Variants in GLI2 observed in about 807,000 individuals in gnomAD.
The protein encoded by GLI2 is GLI family zinc finger 2.
In GLI2, 22 loss-of-function variants were observed where a neutral mutation model predicts 78.9. That is an observed-to-expected ratio of 0.28 (90% CI 0.20 to 0.40). The LOEUF (loss-of-function observed/expected upper bound fraction) is 0.40, where lower values mean the gene tolerates loss of function less well. Ranked by LOEUF, GLI2 falls within the 10% of genes least tolerant of loss-of-function variation. GLI2 has a pLI of 1.00. For synonymous variants in GLI2, 974 were observed against 963.7 expected (o/e 1.01, Z -0.20); for missense variants, 2,097 against 2,213.2 (o/e 0.95, Z 1.05).
At chr2:120,889,509 T>G (rs751119121) in intron 2 of GLI2, among the ~76,000 whole-genome samples, 1 of 152,038 alleles carries the variant, frequency 6.6e-6, no homozygotes, top group Non-Finnish European at 1.5e-5. Context: ...AATCAAAAAT[T>G]TTGCTCTTCG....
intron 2 of GLI2, among the ~76,000 whole-genome samples, chr2:120,916,466 CT>C (rs1573594601): frequency 6.6e-6 from 1 of 152,380 alleles, no homozygotes; most frequent in East Asian, 1.9e-4. Context: ...GCCTTCCTGG[CT>C]GCTCCAGACC....
At chr2:120,971,091 A>C (rs964994114) in intron 7 of GLI2, among the ~76,000 whole-genome samples, 4 of 152,246 alleles carry the variant, frequency 2.6e-5, no homozygotes, top group African/African-American at 9.6e-5. Flanking sequence ...TTCTTTTACA[A>C]TAAGGACATG....
intron 1 of GLI2, among the ~76,000 whole-genome samples, chr2:120,788,248 G>C (rs111736578): frequency 6.6e-6 from 1 of 152,188 alleles, no homozygotes; most frequent in Non-Finnish European, 1.5e-5. Context: ...AACCACTGAC[G>C]TGTGCACAGG....
At chr2:120,904,045 G>T (rs1029960566) in intron 2 of GLI2, among the ~76,000 whole-genome samples, 39 of 151,996 alleles carry the variant, frequency 2.6e-4, no homozygotes, top group African/African-American at 8.7e-4. Flanking sequence ...TGGGGAGGAG[G>T]CTGTCCCCCT....
chr2:120,763,517 G>A (rs533130952), intron 1 of GLI2, among the ~76,000 whole-genome samples: 2 of 152,356 alleles, frequency 1.3e-5, no homozygotes, highest in African/African-American at 4.8e-5. Context: ...CAGGCTTGGT[G>A]GCAGCCAAGA....
chr2:120,988,108 C>T, intron 13 of GLI2, 100 bp from the exon 14 acceptor site: 1 of 994,538 alleles, frequency 1.0e-6, no homozygotes. Flanking sequence ...GTGTTGCAAG[C>T]CCTCTTCTCG....
intron 2 of GLI2, among the ~76,000 whole-genome samples, chr2:120,841,848 GGTGTGTGT>G (rs555474895): frequency 9.0e-5 from 12 of 132,690 alleles, no homozygotes; most frequent in African/African-American, 2.6e-4. Context: ...CAGTCTGGAG[GGTGTGTGT>G]GTGTGTGTGT....
rs768259857 is a variant in GLI2 at position 120,975,085 on chromosome 2, C to T, written c.1293C>T (p.Tyr431=). 2.7e-5 allele frequency: 44 copies of T among 1,613,946 alleles called. No homozygotes were observed. Among genetic ancestry groups the T allele is most frequent in the Middle Eastern group, 1.6e-4 (1 of 6,062 alleles). ...ACTGGGAAGACTGCACCAAGGAGTA[C>T]GACACCCAGGAGCAGCTGGTGCATG... ...NCHWEDCTKE[Y]DTQEQLVHHI... Residue 431 remains tyrosine (Y), a synonymous_variant, in exon 9 of 14, where the codon TAC becomes TAT. Coordinates refer to ENST00000361492, the MANE Select transcript of GLI2 (RefSeq NM_001374353.1).
chr2:120,876,328 C>T (rs556431268), intron 2 of GLI2, among the ~76,000 whole-genome samples: 14 of 152,176 alleles, frequency 9.2e-5, no homozygotes, highest in South Asian at 4.2e-4. Context: ...GGCGACAGAG[C>T]GAGACTCCGT....
intron 2 of GLI2, among the ~76,000 whole-genome samples, chr2:120,909,475 A>C (rs1159101125): frequency 6.6e-6 from 1 of 152,198 alleles, no homozygotes; most frequent in Non-Finnish European, 1.5e-5. Context: ...CTCAAAGGAC[A>C]TTGACTTCAT....
At chr2:120,929,301 G>T (rs1679838936) in intron 3 of GLI2, among the ~76,000 whole-genome samples, 1 of 152,232 alleles carries the variant, frequency 6.6e-6, no homozygotes, top group African/African-American at 2.4e-5. Context: ...CCGCTTTAAA[G>T]TTGTCCCGTT....
chr2:120,763,397 C>A (rs1558784462), intron 1 of GLI2, among the ~76,000 whole-genome samples: 1 of 152,210 alleles, frequency 6.6e-6, no homozygotes, highest in Non-Finnish European at 1.5e-5. Context: ...TTGAAGGCCT[C>A]CACAGTGGCA....
At chr2:120,793,330 T>G (rs1288446814) in intron 1 of GLI2, among the ~76,000 whole-genome samples, 1 of 152,254 alleles carries the variant, frequency 6.6e-6, no homozygotes, top group African/African-American at 2.4e-5. Flanking sequence ...TCCTTCCCTG[T>G]GGTAGGTGCT....
intron 2 of GLI2, among the ~76,000 whole-genome samples, chr2:120,896,158 C>T (rs1287024984): frequency 6.6e-6 from 1 of 152,214 alleles, no homozygotes; most frequent in East Asian, 1.9e-4. Context: ...TCTCACCTGC[C>T]TTGATGGTCT....
chr2:120,784,964 T>C (rs1345375551), intron 1 of GLI2, among the ~76,000 whole-genome samples: 1 of 152,082 alleles, frequency 6.6e-6, no homozygotes, highest in East Asian at 1.9e-4. Context: ...TGGTCAAGGA[T>C]GGAGACTCAA....
intron 1 of GLI2, among the ~76,000 whole-genome samples, chr2:120,748,791 T>C (rs1416096442): frequency 2.6e-5 from 4 of 152,156 alleles, no homozygotes; most frequent in Non-Finnish European, 5.9e-5. Context: ...CTCAGAATGC[T>C]CTCTACTATG....
At chr2:120,930,051 G>T (rs1230600297) in intron 3 of GLI2, among the ~76,000 whole-genome samples, 1 of 152,220 alleles carries the variant, frequency 6.6e-6, no homozygotes, top group Non-Finnish European at 1.5e-5. Context: ...TAGCAGGCCT[G>T]CCTCAAAGTG....
intron 1 of GLI2, among the ~76,000 whole-genome samples, chr2:120,778,613 G>A (rs1683751820): frequency 6.6e-6 from 1 of 152,132 alleles, no homozygotes. Context: ...GAGACGGGGT[G>A]AAGTCACCCT....
intron 1 of GLI2, among the ~76,000 whole-genome samples, chr2:120,768,464 A>T (rs1170976158): frequency 6.6e-6 from 1 of 152,212 alleles, no homozygotes; most frequent in Admixed American, 6.5e-5. Flanking sequence ...GAGCAGGTGG[A>T]GACCACAAAA....
Sources: gnomAD v4.1 joint callset for allele counts (sites outside exome capture counted in the v4.1 genomes callset) on GRCh38, gnomAD v4.1.1 for gene constraint, MANE v1.5 for transcripts, NCBI Gene and HGNC (gene_info 2026-07-23, HGNC 2026-07-21) for gene names.